Variants in CDK5RAP1 observed in about 807,000 individuals in gnomAD.
CDK5RAP1 encodes CDK5RAP1 mitochondrial tRNA methylthiotransferase, also known as mitochondrial tRNA methylthiotransferase CDK5RAP1.
Under a neutral mutation model 64.5 loss-of-function variants are expected in CDK5RAP1, and 62 were observed. That is an observed-to-expected ratio of 0.96 (90% CI 0.78 to 1.19). The LOEUF is 1.19. Ranked by LOEUF, CDK5RAP1 falls within the 50% of genes most tolerant of loss-of-function variation. The pLI, the probability that CDK5RAP1 is intolerant of heterozygous loss-of-function variation, is 0.00. For synonymous variants in CDK5RAP1, 250 were observed against 261.9 expected (o/e 0.95, Z 0.44); for missense variants, 657 against 735.0 (o/e 0.89, Z 1.23).
chr20:33,358,987 C>A lies in CDK5RAP1; in HGVS notation c.*56G>T. The A allele has an allele frequency of 7.8e-7, 1 of 1,282,704 alleles. No individual in the cohort carries two copies. The highest frequency in any genetic ancestry group is 1.1e-6 in the Non-Finnish European group (1 of 884,894). 79.5% of individuals were successfully genotyped at this position (1,282,704 alleles called of 1,614,324 possible). A position where few individuals can be genotyped will look rare whatever the true frequency, so the allele number is the denominator to read the frequency against. Reference sequence around the variant, plus strand: ...CTGTTTCCTCAGTGGCAGGCAATGTCTCCCCTTCCTGTTGGGGAGGATTGC... The same window carrying A: ...CTGTTTCCTCAGTGGCAGGCAATGTATCCCCTTCCTGTTGGGGAGGATTGC... On this transcript the variant is annotated 3_prime_UTR_variant, in exon 14 of 14. Coordinates refer to ENST00000346416, the MANE Select transcript of CDK5RAP1 (RefSeq NM_016408.4).
At chr20:33,394,990 A>C in intron 3 of CDK5RAP1, 23 bp downstream of exon 3, 1 of 1,413,622 alleles carries the variant, frequency 7.1e-7, no homozygotes, top group Non-Finnish European at 1.0e-6. Context: ...CCAGGAAACA[A>C]AGGAAATAGG....
intron 11 of CDK5RAP1, among the ~76,000 whole-genome samples, chr20:33,367,864 T>C (rs1984279592): frequency 6.6e-6 from 1 of 152,222 alleles, no homozygotes; most frequent in Non-Finnish European, 1.5e-5. Flanking sequence ...AAGGAATATC[T>C]ATATACCAAA....
intron 2 of CDK5RAP1, among the ~76,000 whole-genome samples, chr20:33,396,270 G>GA (rs1173615653): frequency 6.6e-6 from 1 of 152,222 alleles, no homozygotes; most frequent in African/African-American, 2.4e-5. Flanking sequence ...GTAAGAATAT[G>GA]AATTTCACAT....
chr20:33,359,277 C>T, intron 13 of CDK5RAP1, 154 bp from the exon 14 acceptor site: 1 of 609,620 alleles, frequency 1.6e-6, no homozygotes, highest in East Asian at 2.8e-5. Flanking sequence ...CCGATCCTGG[C>T]AGGAAGCGAG....
At chr20:33,377,166 C>T (rs977151175) in intron 8 of CDK5RAP1, among the ~76,000 whole-genome samples, 2 of 152,120 alleles carry the variant, frequency 1.3e-5, no homozygotes, top group Non-Finnish European at 2.9e-5. Context: ...CAAGACCCCA[C>T]CTCTAATTTT....
chr20:33,385,869 G>A, intron 6 of CDK5RAP1, 99 bp from the exon 7 acceptor site: 1 of 1,118,528 alleles, frequency 8.9e-7, no homozygotes, highest in South Asian at 1.6e-5. Flanking sequence ...CTTTGGCTCT[G>A]AATCCTCTTG....
At chr20:33,369,266 G>A (rs1241466433) in intron 11 of CDK5RAP1, among the ~76,000 whole-genome samples, 3 of 152,076 alleles carry the variant, frequency 2.0e-5, no homozygotes, top group South Asian at 2.1e-4. Context: ...GGCAGATCAC[G>A]AGGTCAGGAG....
intron 7 of CDK5RAP1, among the ~76,000 whole-genome samples, chr20:33,383,680 G>A (rs1429130973): frequency 6.6e-6 from 1 of 150,452 alleles, no homozygotes; most frequent in Non-Finnish European, 1.5e-5. Flanking sequence ...GGCGGAGGTT[G>A]TGGTGAGCCG....
intron 11 of CDK5RAP1, among the ~76,000 whole-genome samples, chr20:33,367,453 T>G (rs1033129497): frequency 5.3e-5 from 8 of 152,248 alleles, no homozygotes; most frequent in African/African-American, 1.7e-4. Flanking sequence ...TAGTTCTATA[T>G]GTACTAATGT....
At position 33,360,432 on chromosome 20, in the gene CDK5RAP1, G is replaced by A; in HGVS notation, c.1602C>T (p.Ile534=). Residue 534 remains isoleucine, a synonymous_variant, in exon 13 of 14, where the codon ATC becomes ATT. Coordinates refer to ENST00000346416, the MANE Select transcript of CDK5RAP1 (RefSeq NM_016408.4). ...CATCCTCCATCTCTGCATCAGGGAA[G>A]ATCACCTTAAGGTTTCCATCATTCC... is the stretch of plus-strand genomic sequence containing the variant. The part of the protein sequence containing the change: ...CGRNDGNLKV[I]FPDAEMEDVN... The A allele has an allele frequency of 6.2e-7, 1 of 1,613,770 alleles. No homozygotes were observed. The highest frequency in any genetic ancestry group is 1.1e-5 in the South Asian group (1 of 91,062).
intron 12 of CDK5RAP1, among the ~76,000 whole-genome samples, chr20:33,364,194 T>TTTTTTTTTTTTTTTTTTTG: frequency 6.7e-6 from 1 of 150,036 alleles, no homozygotes; most frequent in African/African-American, 2.5e-5. Flanking sequence ...ATAGCTTTTT[T>TTTTTTTTTTTTTTTTTTTG]TTTTTTTTTT....
chr20:33,368,459 A>ATTTTTTTTTTT lies in CDK5RAP1; in HGVS notation c.1393-1462_1393-1452dup, dbSNP rs35954744. 4.4e-5 allele frequency among the ~76,000 whole-genome samples: 3 copies of ATTTTTTTTTTT among 67,606 alleles called. 1 individual carries two copies. Among genetic ancestry groups the ATTTTTTTTTTT allele is most frequent in the Non-Finnish European group, 7.9e-5 (3 of 37,886 alleles). The allele number at this position is 67,606 out of a possible 152,430, so 44.4% of individuals were successfully genotyped here. A position where few individuals can be genotyped will look rare whatever the true frequency, so the allele number is the denominator to read the frequency against. ...AGGCATGTGCCACCACTCTCGGCTAATTTTTTTTTTTTTTTTTTTTTTTTT... is the reference window on the plus strand; with the variant it reads ...AGGCATGTGCCACCACTCTCGGCTAATTTTTTTTTTTTTTTTTTTTTTTTTTTTTTTTTTTT... On this transcript the variant is annotated intron_variant, in intron 11 of 13. Transcript: ENST00000346416.
rs140207780 is a variant in CDK5RAP1, at chr20:33,359,095, C to T, written c.1712G>A (p.Arg571Lys). Reference protein sequence around the residue: ...KITSASSQTLRGHVLCRTTLR... With the variant: ...KITSASSQTLKGHVLCRTTLR... ...AGTGGTCCTGCAGAGAACATGTCCC[C>T]TAAGTGTCTGAGAACTGGCTGAGGT... Residue 571 changes from arginine to lysine, a missense_variant, in exon 14 of 14, where the codon AGG becomes AAG. Physicochemically the swap from Arg to Lys is conservative, Grantham distance 26. Coordinates refer to ENST00000346416, the MANE Select transcript of CDK5RAP1 (RefSeq NM_016408.4). 466 of 1,613,902 alleles carry T rather than the reference C, an allele frequency of 2.9e-4. 3 individuals are homozygous for T. The South Asian group carries it at 3.5e-3, about 12-fold the overall frequency.
chr20:33,369,021 T>G (rs1329989971), intron 11 of CDK5RAP1, among the ~76,000 whole-genome samples: 2 of 151,672 alleles, frequency 1.3e-5, no homozygotes, highest in East Asian at 3.9e-4. Flanking sequence ...GCACCAGTAA[T>G]CCCAGCTACT....
intron 11 of CDK5RAP1, among the ~76,000 whole-genome samples, 190 bp from the exon 12 acceptor site, chr20:33,367,198 A>AT (rs559845491): frequency 3.5e-4 from 53 of 152,260 alleles, no homozygotes; most frequent in African/African-American, 1.2e-3. Context: ...GTGGAGTCAT[A>AT]TTTTTGCAAG....
chr20:33,388,189 AC>A (rs375265832), intron 5 of CDK5RAP1, among the ~76,000 whole-genome samples: 1 of 152,268 alleles, frequency 6.6e-6, no homozygotes, highest in African/African-American at 2.4e-5. Context: ...GAACTTACTT[AC>A]CCACAACTAC....
chr20:33,370,638 C>A lies in CDK5RAP1; in HGVS notation c.1262-9G>T. 1 of 1,614,120 alleles carries A rather than the reference C, an allele frequency of 6.2e-7. No individual in the cohort carries two copies. ...GCTGCTGAGGCTCACACCTGTGATA[C>A]ACAGCAAAGGATGACAGGTGACTGC... On this transcript the variant is annotated splice_polypyrimidine_tract_variant and intron_variant, in intron 10 of 13. Coordinates refer to ENST00000346416, the MANE Select transcript of CDK5RAP1 (RefSeq NM_016408.4).
At chr20:33,397,634 TC>T (rs1435321919) in intron 1 of CDK5RAP1, among the ~76,000 whole-genome samples, 1 of 152,214 alleles carries the variant, frequency 6.6e-6, no homozygotes, top group African/African-American at 2.4e-5. Flanking sequence ...TCCTTTGAGT[TC>T]CTTCAGAAGG....
chr20:33,372,913 CTTTTTT>C, intron 9 of CDK5RAP1: 2 of 201,202 alleles, frequency 9.9e-6, no homozygotes, highest in East Asian at 9.0e-5. Flanking sequence ...AGGACATAAA[CTTTTTT>C]TTTTTTTTTT....
Sources: gnomAD v4.1 joint callset for allele counts (sites outside exome capture counted in the v4.1 genomes callset) on GRCh38, gnomAD v4.1.1 for gene constraint, MANE v1.5 for transcripts, NCBI Gene and HGNC (gene_info 2026-07-23, HGNC 2026-07-21) for gene names.